The following MAGI1 variants were observed in gnomAD, a reference collection of about 807,000 sequenced individuals.
MAGI1 encodes membrane associated guanylate kinase, WW and PDZ domain containing 1, also known as membrane-associated guanylate kinase, WW and PDZ domain-containing protein 1.
A neutral mutation model predicts 139.9 loss-of-function variants in MAGI1; 58 were observed. That is an observed-to-expected ratio of 0.41 (90% CI 0.34 to 0.52). The LOEUF is 0.52. Ranked by LOEUF, MAGI1 falls within the 20% of genes least tolerant of loss-of-function variation. The probability of loss-of-function intolerance (pLI) is 0.12; values close to 1 mark genes in which losing one functional copy is unlikely to be tolerated. For missense variants in MAGI1, 1,874 were observed against 1,901.6 expected, an observed-to-expected ratio of 0.99 and a Z score of 0.27; for synonymous variants, 812 against 737.9, an observed-to-expected ratio of 1.10 and a Z score of -1.63.
rs549372422 is a variant in MAGI1 at position 65,945,312 on chromosome 3, A to T, written c.313+92684T>A. Among the ~76,000 whole-genome samples, 13 of 152,290 alleles carry T rather than the reference A, an allele frequency of 8.5e-5. No homozygotes were observed. The South Asian group carries it at 2.1e-3, about 24-fold the overall frequency. ...GAGGGTTTGATGTACAGATTATTTC[A>T]TCACCCAGGTACTAAACTTAGTACC... On this transcript the variant is annotated intron_variant, in intron 1 of 22. Transcript: ENST00000402939.
At chr3:65,434,346 T>C (rs1026395973) in intron 10 of MAGI1, among the ~76,000 whole-genome samples, 2 of 152,278 alleles carry the variant, frequency 1.3e-5, no homozygotes, top group African/African-American at 4.8e-5. Flanking sequence ...AAGTGAGTTA[T>C]TGTTTTGATG....
intron 14 of MAGI1, among the ~76,000 whole-genome samples, chr3:65,386,554 C>T (rs1335164884): frequency 1.3e-5 from 2 of 152,216 alleles, no homozygotes; most frequent in Non-Finnish European, 2.9e-5. Flanking sequence ...TTTCTCTCTT[C>T]TGTGTCCTCT....
At chr3:65,642,441 C>T (rs1700620358) in intron 1 of MAGI1, among the ~76,000 whole-genome samples, 1 of 152,266 alleles carries the variant, frequency 6.6e-6, no homozygotes, top group Middle Eastern at 3.4e-3. Context: ...TTTACATCAG[C>T]AAACCAAAAA....
At chr3:65,734,529 G>C (rs201273671) in intron 1 of MAGI1, among the ~76,000 whole-genome samples, 3 of 91,462 alleles carry the variant, frequency 3.3e-5, no homozygotes, top group Non-Finnish European at 6.3e-5. Context: ...GAGAGAAAGA[G>C]AGAGGGGGAG....
At chr3:65,530,764 TATATATATAC>T (rs1283523086) in intron 2 of MAGI1, among the ~76,000 whole-genome samples, 2 of 23,068 alleles carry the variant, frequency 8.7e-5, no homozygotes, top group Admixed American at 4.5e-4. Flanking sequence ...CACGTATATA[TATATATATAC>T]ACACATATAT....
chr3:65,443,448 C>A (rs1575765245), intron 7 of MAGI1, among the ~76,000 whole-genome samples: 10 of 152,326 alleles, frequency 6.6e-5, no homozygotes, highest in Admixed American at 5.9e-4. Context: ...TCCCTAAGAG[C>A]TCACTATCTA....
At chr3:65,507,981 A>T (rs2077369437) in intron 2 of MAGI1, among the ~76,000 whole-genome samples, 1 of 152,236 alleles carries the variant, frequency 6.6e-6, no homozygotes, top group Admixed American at 6.5e-5. Context: ...AGTGAGGAAC[A>T]GAAGCCTGTG....
intron 1 of MAGI1, among the ~76,000 whole-genome samples, chr3:65,862,121 C>T (rs2059576635): frequency 6.6e-6 from 1 of 152,150 alleles, no homozygotes; most frequent in South Asian, 2.1e-4. Flanking sequence ...ACCTTCTCTT[C>T]TTTATGAATA....
intron 2 of MAGI1, among the ~76,000 whole-genome samples, chr3:65,516,431 C>T (rs2077882686): frequency 6.6e-6 from 1 of 152,002 alleles, no homozygotes; most frequent in Admixed American, 6.6e-5. Context: ...GCCCGCCTGG[C>T]CTCCCAACGC....
At chr3:65,802,071 C>T (rs567789953) in intron 1 of MAGI1, among the ~76,000 whole-genome samples, 30 of 152,222 alleles carry the variant, frequency 2.0e-4, no homozygotes, top group Admixed American at 1.6e-3. Context: ...TGAAACCATG[C>T]TCCCTGCCCC....
At chr3:65,825,201 C>A (rs917365393) in intron 1 of MAGI1, among the ~76,000 whole-genome samples, 1 of 152,202 alleles carries the variant, frequency 6.6e-6, no homozygotes, top group African/African-American at 2.4e-5. Flanking sequence ...GAGCTTATAG[C>A]TTATCAATTA....
intron 1 of MAGI1, among the ~76,000 whole-genome samples, chr3:65,779,076 T>C (rs1166269466): frequency 6.6e-6 from 1 of 152,242 alleles, no homozygotes; most frequent in Non-Finnish European, 1.5e-5. Flanking sequence ...AAAGAAACCC[T>C]GTAGCAACCC....
At chr3:65,464,226 T>G (rs1950018712) in intron 5 of MAGI1, among the ~76,000 whole-genome samples, 1 of 152,154 alleles carries the variant, frequency 6.6e-6, no homozygotes, top group South Asian at 2.1e-4. Context: ...TATCTATTGT[T>G]TTTCAGCTCT....
Position 66,038,241 on chromosome 3 carries a change from C to A in MAGI1, c.68G>T (p.Gly23Val). 6.2e-7 allele frequency: 1 copy of A among 1,611,348 alleles called. No homozygotes were observed. Among genetic ancestry groups the A allele is most frequent in the Non-Finnish European group, 8.5e-7 (1 of 1,179,244 alleles). ...SRVHECTVKR[G>V]PQGELGVTVL... ...CGTCACCCCCAGCTCGCCCTGGGGT[C>A]CCCGCTTCACGGTGCATTCGTGAAC... is the stretch of plus-strand genomic sequence containing the variant. Residue 23 changes from glycine (G) to valine (V), a missense_variant, in exon 1 of 23, where the codon GGA becomes GTA. Physicochemically the swap from Gly to Val is moderately radical, Grantham distance 109. This residue lies in a region of MAGI1 where 648 missense variants were observed against 598.1 expected (regional missense o/e 1.08). Coordinates refer to ENST00000402939, the MANE Select transcript of MAGI1 (RefSeq NM_001033057.2).
intron 2 of MAGI1, among the ~76,000 whole-genome samples, chr3:65,547,065 C>T (rs2079539761): frequency 6.6e-6 from 1 of 152,192 alleles, no homozygotes; most frequent in African/African-American, 2.4e-5. Context: ...ACTGTTACAT[C>T]AATCCATCTT....
chr3:65,956,251 T>C (rs1425984543), intron 1 of MAGI1, among the ~76,000 whole-genome samples: 1 of 152,192 alleles, frequency 6.6e-6, no homozygotes, highest in Non-Finnish European at 1.5e-5. Context: ...AGGAACTAAG[T>C]GCTTTTTGGT....
chr3:66,030,378 A>T (rs1343085211), intron 1 of MAGI1, among the ~76,000 whole-genome samples: 1 of 152,192 alleles, frequency 6.6e-6, no homozygotes, highest in African/African-American at 2.4e-5. Flanking sequence ...CATTTAACAA[A>T]TACCCAAGCA....
chr3:65,412,247 C>T (rs1374089158), intron 12 of MAGI1, among the ~76,000 whole-genome samples: 1 of 152,152 alleles, frequency 6.6e-6, no homozygotes, highest in African/African-American at 2.4e-5. Context: ...GCTGCTCCCT[C>T]TGCCTGGAAC....
At chr3:65,603,625 T>TATAAA (rs1293701613) in intron 2 of MAGI1, among the ~76,000 whole-genome samples, 23 of 152,364 alleles carry the variant, frequency 1.5e-4, no homozygotes, top group Non-Finnish European at 2.5e-4. Flanking sequence ...ATGCTGGTCT[T>TATAAA]GTAAGCCTGA....
Sources: allele counts gnomAD v4.1 joint callset (sites outside exome capture counted in the v4.1 genomes callset), GRCh38; gene constraint gnomAD v4.1.1; regional missense constraint gnomAD v4.1.1; transcripts MANE v1.5; gene names NCBI Gene and HGNC (gene_info 2026-07-23, HGNC 2026-07-21).